The following VPS4A variants were observed in gnomAD, a reference collection of about 807,000 sequenced individuals.
VPS4A encodes vacuolar protein sorting 4 homolog A.
VPS4A carries 20 observed loss-of-function variants against 52.3 expected under a neutral mutation model. The observed-to-expected ratio is 0.38, with a 90% confidence interval of 0.27 to 0.56. VPS4A has a LOEUF of 0.56. VPS4A is among the 20% of genes least tolerant of loss of function. The probability of loss-of-function intolerance (pLI) is 0.72; values close to 1 mark genes in which losing one functional copy is unlikely to be tolerated. For missense variants in VPS4A, 419 were observed against 575.9 expected (o/e 0.73, Z 2.79); for synonymous variants, 293 against 227.7 (o/e 1.29, Z -2.58).
chr16:69,326,715 C>G lies in VPS4A; in HGVS notation c.*2406C>G, dbSNP rs1965603230. The G allele has an allele frequency of 6.6e-6, 1 of 152,240 alleles. No individual in the cohort carries two copies. The highest frequency in any genetic ancestry group is 1.5e-5 in the Non-Finnish European group (1 of 68,046). 9.4% of individuals were successfully genotyped at this position (152,240 alleles called of 1,614,324 possible). ...CCATCATCGATGTTAAACATGCTGA[C>G]ATGTGCAGAGGAGTTTCCTCCCTGA... On this transcript the variant is annotated 3_prime_UTR_variant, in exon 11 of 11. Coordinates refer to ENST00000254950, the MANE Select transcript of VPS4A (RefSeq NM_013245.3).
intron 1 of VPS4A, among the ~76,000 whole-genome samples, chr16:69,315,778 C>T (rs1023875090): frequency 1.3e-5 from 2 of 152,178 alleles, no homozygotes; most frequent in Admixed American, 1.3e-4. Context: ...AAATCCAGAG[C>T]GTGGCTTTTA....
chr16:69,324,503 C>A lies in VPS4A; in HGVS notation c.*194C>A. 1 of 608,552 alleles carries A rather than the reference C, an allele frequency of 1.6e-6. No individual in the cohort carries two copies. Among genetic ancestry groups the A allele is most frequent in the Non-Finnish European group, 2.9e-6 (1 of 340,982 alleles). The allele number at this position is 608,552 out of a possible 1,614,324, so 37.7% of individuals were successfully genotyped here. On this transcript the variant is annotated 3_prime_UTR_variant, in exon 11 of 11. Coordinates refer to ENST00000254950, the MANE Select transcript of VPS4A (RefSeq NM_013245.3). ...ACAGAGACACTCCACTGCCCTGGGGCACACAGTGGACACTGCTCTTCCTAC... is the reference window on the plus strand; with the variant it reads ...ACAGAGACACTCCACTGCCCTGGGGAACACAGTGGACACTGCTCTTCCTAC...
At position 69,321,143 on chromosome 16, in the gene VPS4A, C is replaced by T. The variant is rs1443596563; in HGVS notation, c.944C>T (p.Thr315Met). The part of the protein sequence containing the change: ...LHLGSTPHNL[T>M]DANIHELARK... ...CTCGGGAGCACTCCCCACAACCTCACGGATGCAAACATCCACGAGCTGGCC... is the reference window on the plus strand; with the variant it reads ...CTCGGGAGCACTCCCCACAACCTCATGGATGCAAACATCCACGAGCTGGCC... The change falls in exon 9 of 11, where the codon ACG becomes ATG. Residue 315 changes from threonine to methionine, a missense_variant. Transcript: ENST00000254950. The surrounding 1 kb of genome is among the most constrained non-coding windows in gnomAD (Gnocchi z 4.5). 27 of 1,588,998 alleles carry T rather than the reference C, an allele frequency of 1.7e-5. No homozygotes were observed. Among genetic ancestry groups the T allele is most frequent in the Non-Finnish European group, 2.1e-5 (24 of 1,168,156 alleles).
rs1024911318 is a variant in VPS4A, at chr16:69,324,440, C to G, written c.*131C>G. 5.8e-5 allele frequency: 59 copies of G among 1,017,684 alleles called. 1 individual carries two copies. In the African/African-American group the frequency reaches 7.0e-4, roughly 12 times the overall value. 63.0% of individuals were successfully genotyped at this position (1,017,684 alleles called of 1,614,324 possible). On this transcript the variant is annotated 3_prime_UTR_variant, in exon 11 of 11. Coordinates refer to ENST00000254950, the MANE Select transcript of VPS4A (RefSeq NM_013245.3). The stretch of plus-strand genomic sequence containing the variant: ...ATACAGAGTTCCCTCTGCTGTCTGG[C>G]CGTCTGCCAGGGAGCCAGAAGGAAG...
At chr16:69,314,027 G>T (rs1965408014) in intron 1 of VPS4A, among the ~76,000 whole-genome samples, 1 of 140,106 alleles carries the variant, frequency 7.1e-6, no homozygotes. Flanking sequence ...TTGCTCTGGT[G>T]TGATCTCGGT....
chr16:69,317,829 G>A (rs540172532), intron 3 of VPS4A, among the ~76,000 whole-genome samples: 40 of 151,866 alleles, frequency 2.6e-4, no homozygotes, highest in African/African-American at 8.7e-4. Flanking sequence ...GCATGTGCCT[G>A]TAATCCCAGC....
intron 6 of VPS4A, 68 bp downstream of exon 6, chr16:69,319,611 T>C: frequency 1.9e-6 from 3 of 1,546,950 alleles, no homozygotes; most frequent in Non-Finnish European, 2.6e-6. Flanking sequence ...CGGCCCACCC[T>C]GTGGAGTCAC....
chr16:69,320,032 A>G lies in VPS4A; in HGVS notation c.621-109A>G. 7.0e-7 allele frequency: 1 copy of G among 1,422,104 alleles called. No homozygotes were observed. The highest frequency in any genetic ancestry group is 9.5e-7 in the Non-Finnish European group (1 of 1,057,468). The allele number at this position is 1,422,104 out of a possible 1,614,324, so 88.1% of individuals were successfully genotyped here. On this transcript the variant is annotated intron_variant, in intron 6 of 10. Transcript: ENST00000254950. This position sits in a 1 kb window ranked among gnomAD's most constrained non-coding sequence, Gnocchi z 4.2. The stretch of plus-strand genomic sequence containing the variant: ...CCACGTTTTCCGCAATTCCGGCATG[A>G]CCGTGGCCTGCGCCTCCCTGTGGGA...
At chr16:69,312,592 GTATT>G (rs926743773) in intron 1 of VPS4A, among the ~76,000 whole-genome samples, 2 of 152,080 alleles carry the variant, frequency 1.3e-5, no homozygotes, top group Non-Finnish European at 2.9e-5. Flanking sequence ...AAACACAGGT[GTATT>G]TATTTATTTT....
intron 10 of VPS4A, chr16:69,323,063 G>A (rs543051536): frequency 7.9e-5 from 13 of 163,738 alleles, no homozygotes; most frequent in East Asian, 1.8e-4. Context: ...GTGAGACTCC[G>A]TCTCAAAAAT....
At position 69,320,188 on chromosome 16, in the gene VPS4A, T is replaced by C. The variant is rs1260256729; in HGVS notation, c.668T>C (p.Ile223Thr). 2 of 1,613,792 alleles carry C rather than the reference T, an allele frequency of 1.2e-6. No individual in the cohort carries two copies. Among genetic ancestry groups the C allele is most frequent in the African/African-American group, 1.3e-5 (1 of 74,910 alleles). ...FELARQHKPS[I>T]IFIDEVDSLC... The stretch of plus-strand genomic sequence containing the variant: ...CTGGCCAGGCAGCACAAGCCCTCCA[T>C]CATCTTCATCGATGAGGTGGATTCC... Residue 223 changes from isoleucine to threonine, a missense_variant, in exon 7 of 11, where the codon ATC (isoleucine) becomes ACC (threonine). Ile to Thr is a moderately conservative substitution (Grantham distance 89). Transcript: ENST00000254950. This position sits in a 1 kb window ranked among gnomAD's most constrained non-coding sequence, Gnocchi z 4.2.
intron 1 of VPS4A, among the ~76,000 whole-genome samples, chr16:69,315,448 C>T (rs117280083): frequency 6.6e-6 from 1 of 152,308 alleles, no homozygotes; most frequent in Non-Finnish European, 1.5e-5. Flanking sequence ...GCGAAGGAAA[C>T]TGTCTTCTCT....
intron 9 of VPS4A, chr16:69,322,060 G>C (rs558235520): frequency 6.2e-6 from 1 of 160,764 alleles, no homozygotes; most frequent in Non-Finnish European, 1.3e-5. Flanking sequence ...ATCATGGTAG[G>C]AGACCAAAGG....
intron 6 of VPS4A, 51 bp downstream of exon 6, chr16:69,319,594 G>T: frequency 6.4e-7 from 1 of 1,572,306 alleles, no homozygotes; most frequent in Non-Finnish European, 8.6e-7. Flanking sequence ...CACTGCTAGT[G>T]ACCCAGCGGC....
chr16:69,319,436 A>G lies in VPS4A; in HGVS notation c.513A>G (p.Thr171=), dbSNP rs769065218. 5.0e-6 allele frequency: 8 copies of G among 1,613,914 alleles called. No homozygotes were observed. The highest frequency in any genetic ancestry group is 6.8e-6 in the Non-Finnish European group (8 of 1,179,908). The part of the protein sequence containing the change: ...RGILLFGPPG[T]GKSYLAKAVA... ...TTCTGCTGTTCGGACCCCCTGGCAC[A>G]GGGAAATCCTACCTGGCCAAAGCCG... Residue 171 remains threonine, a synonymous_variant, in exon 6 of 11, where the codon ACA becomes ACG. Coordinates refer to ENST00000254950, the MANE Select transcript of VPS4A (RefSeq NM_013245.3).
intron 10 of VPS4A, among the ~76,000 whole-genome samples, chr16:69,323,944 CAAAAAAAA>C (rs373024058): frequency 0.013 from 1,333 of 99,538 alleles, 17 homozygotes; most frequent in Middle Eastern, 0.066. Flanking sequence ...ACTCCGTCTC[CAAAAAAAA>C]AAAAAAAAAA....
At position 69,324,503 on chromosome 16, in the gene VPS4A, C is replaced by T; in HGVS notation, c.*194C>T. 8 of 608,552 alleles carry T rather than the reference C, an allele frequency of 1.3e-5. No individual in the cohort carries two copies. The highest frequency in any genetic ancestry group is 2.3e-5 in the Non-Finnish European group (8 of 340,982). 37.7% of individuals were successfully genotyped at this position (608,552 alleles called of 1,614,324 possible). A position where few individuals can be genotyped will look rare whatever the true frequency, so the allele number is the denominator to read the frequency against. ...ACAGAGACACTCCACTGCCCTGGGG[C>T]ACACAGTGGACACTGCTCTTCCTAC... On this transcript the variant is annotated 3_prime_UTR_variant, in exon 11 of 11. Coordinates refer to ENST00000254950, the MANE Select transcript of VPS4A (RefSeq NM_013245.3).
rs753249002 is a variant in VPS4A, at chr16:69,320,123, C to T, written c.621-18C>T. On this transcript the variant is annotated intron_variant, in intron 6 of 10. Coordinates refer to ENST00000254950, the MANE Select transcript of VPS4A (RefSeq NM_013245.3). This position sits in a 1 kb window ranked among gnomAD's most constrained non-coding sequence, Gnocchi z 4.2. ...GGACGTGAACGTCTTGTCCTCACCCCCTTTCTCACCTTCACAGGCTGGTCA... is the reference window on the plus strand; with the variant it reads ...GGACGTGAACGTCTTGTCCTCACCCTCTTTCTCACCTTCACAGGCTGGTCA... 3 of 1,609,528 alleles carry T rather than the reference C, an allele frequency of 1.9e-6. No individual in the cohort carries two copies. The highest frequency in any genetic ancestry group is 1.7e-5 in the Admixed American group (1 of 59,850).
At position 69,311,413 on chromosome 16, in the gene VPS4A, C is replaced by T. The variant is rs1046198241; in HGVS notation, c.-99C>T. 40 of 1,203,328 alleles carry T rather than the reference C, an allele frequency of 3.3e-5. No individual in the cohort carries two copies. In the South Asian group the frequency reaches 7.8e-4, roughly 24 times the overall value. 74.5% of individuals were successfully genotyped at this position (1,203,328 alleles called of 1,614,324 possible). On this transcript the variant is annotated 5_prime_UTR_variant, in exon 1 of 11. Coordinates refer to ENST00000254950, the MANE Select transcript of VPS4A (RefSeq NM_013245.3). The stretch of plus-strand genomic sequence containing the variant: ...CCCGCGCACCGCGCTCAGCGCCCAC[C>T]GCCGGGCTTCCCGCGCCGGACCCAG...
Sources: allele counts gnomAD v4.1 joint callset (sites outside exome capture counted in the v4.1 genomes callset), GRCh38; gene constraint gnomAD v4.1.1; non-coding constraint Gnocchi (gnomAD v3.1); transcripts MANE v1.5; gene names NCBI Gene and HGNC (gene_info 2026-07-23, HGNC 2026-07-21).